The following CCKAR variants were observed in gnomAD, a reference collection of about 807,000 sequenced individuals.
CCKAR encodes cholecystokinin A receptor.
In CCKAR, 21 loss-of-function variants were observed where a neutral mutation model predicts 29.8. The ratio of observed to expected loss-of-function variants is 0.70; its 90% confidence interval spans 0.50 to 1.01. The LOEUF is 1.01. CCKAR is among the 50% of genes least tolerant of loss of function. The pLI, the probability that CCKAR is intolerant of heterozygous loss-of-function variation, is 0.00. For synonymous variants in CCKAR, 238 were observed against 221.3 expected (o/e 1.08, Z -0.67); for missense variants, 570 against 560.6 (o/e 1.02, Z -0.17).
Position 26,489,265 on chromosome 4 carries a change from C to T in CCKAR, c.332G>A (p.Ser111Asn). ...PNLLKDFIFG[S>N]AVCKTTTYFM... ...GTAGGTGGTGGTCTTGCAAACGGCG[C>T]TCCCGAAGATGAAATCCTTGAGCAG... The change falls in exon 2 of 5, where the codon AGC becomes AAC. Residue 111 changes from serine (S) to asparagine (N), a missense_variant. Ser to Asn is a conservative substitution (Grantham distance 46). Coordinates refer to ENST00000295589, the MANE Select transcript of CCKAR (RefSeq NM_000730.3). 7 of 1,614,106 alleles carry T rather than the reference C, an allele frequency of 4.3e-6. No homozygotes were observed. The highest frequency in any genetic ancestry group is 5.9e-6 in the Non-Finnish European group (7 of 1,180,008).
chr4:26,486,062 C>T (rs1438717113), intron 2 of CCKAR, among the ~76,000 whole-genome samples, 164 bp from the exon 3 acceptor site: 1 of 152,186 alleles, frequency 6.6e-6, no homozygotes, highest in Admixed American at 6.6e-5. Context: ...GATTTATTCT[C>T]AGCTTTGTTC....
intron 2 of CCKAR, 130 bp downstream of exon 2, chr4:26,489,103 G>GCA: frequency 1.7e-6 from 2 of 1,182,824 alleles, no homozygotes; most frequent in East Asian, 2.3e-5. Flanking sequence ...ACACAGCCAT[G>GCA]CACAGCCTGA....
rs1737434428 is a variant in CCKAR at position 26,485,682 on chromosome 4, T to C, written c.581A>G (p.Asn194Ser). 6.2e-7 allele frequency: 1 copy of C among 1,614,186 alleles called. No homozygotes were observed. The highest frequency in any genetic ancestry group is 8.5e-7 in the Non-Finnish European group (1 of 1,180,028). Residue 194 changes from asparagine (N) to serine (S), a missense_variant, in exon 3 of 5, where the codon AAT becomes AGT. Transcript: ENST00000295589. ...ATTTGGCAGTAGAAAGCGGCACATA[T>C]TCGCGGTCTGGTTGTTATTTTTGGT... ...PFTKNNNQTANMCRFLLPNDV... is the reference protein window; with the variant it reads ...PFTKNNNQTASMCRFLLPNDV...
chr4:26,490,217 G>A lies in CCKAR; in HGVS notation c.51C>T (p.Pro17=). 1 of 1,613,822 alleles carries A rather than the reference G, an allele frequency of 6.2e-7. No individual in the cohort carries two copies. The highest frequency in any genetic ancestry group is 8.5e-7 in the Non-Finnish European group (1 of 1,179,926). The part of the protein sequence containing the change: ...LLVNGSNITP[P]CELGLENETL... The stretch of plus-strand genomic sequence containing the variant: ...TCTCATTTTCGAGCCCGAGTTCACA[G>A]GGAGGAGTGATGTTGCTTCCATTCA... The change falls in exon 1 of 5, where the codon CCC becomes CCT. Residue 17 remains proline, a synonymous_variant. Coordinates refer to ENST00000295589, the MANE Select transcript of CCKAR (RefSeq NM_000730.3).
chr4:26,482,032 C>A lies in CCKAR; in HGVS notation c.893G>T (p.Ser298Ile), dbSNP rs202061123. 19 of 1,614,126 alleles carry A rather than the reference C, an allele frequency of 1.2e-5. No homozygotes were observed. The highest frequency in any genetic ancestry group is 1.6e-4 in the Middle Eastern group (1 of 6,084). Reference sequence around the variant, plus strand: ...CATCAGGTTGGCTGCGGAGCTGTTACTCCGGATGCGGTTGGCCCTGCTGCT... The same window carrying A: ...CATCAGGTTGGCTGCGGAGCTGTTAATCCGGATGCGGTTGGCCCTGCTGCT... ...GSSSRANRIR[S>I]NSSAANLMAK... The change falls in exon 5 of 5, where the codon AGT becomes ATT. Residue 298 changes from serine to isoleucine, a missense_variant. Physicochemically the swap from Ser to Ile is moderately radical, Grantham distance 142 (BLOSUM62 -2). Transcript: ENST00000295589.
rs1371139131 is a variant in CCKAR, at chr4:26,482,112, C to A, written c.813G>T (p.Leu271=). 1 of 1,614,166 alleles carries A rather than the reference C, an allele frequency of 6.2e-7. No homozygotes were observed. The highest frequency in any genetic ancestry group is 8.5e-7 in the Non-Finnish European group (1 of 1,180,014). ...GCTTCCTCGGGGGCCTGGTCTTTTGCAGGTAACACCCATCGCTGTCCTCAT... is the reference window on the plus strand; with the variant it reads ...GCTTCCTCGGGGGCCTGGTCTTTTGAAGGTAACACCCATCGCTGTCCTCAT... ...GKYEDSDGCY[L]QKTRPPRKLE... is the part of the protein sequence containing the mutation. The change falls in exon 5 of 5, where the codon CTG becomes CTT. Residue 271 remains leucine, a synonymous_variant. Transcript: ENST00000295589.
chr4:26,481,987 C>A lies in CCKAR; in HGVS notation c.938G>T (p.Arg313Leu), dbSNP rs201014241. Reference sequence around the variant, plus strand: ...GAGGACCACGATGACGATGAGCATGCGGATCACCCTTTTCTTGGCCATCAG... The same window carrying A: ...GAGGACCACGATGACGATGAGCATGAGGATCACCCTTTTCTTGGCCATCAG... ...ANLMAKKRVI[R>L]MLIVIVVLFF... The change falls in exon 5 of 5, where the codon CGC becomes CTC. Residue 313 changes from arginine to leucine, a missense_variant. Transcript: ENST00000295589. 4 of 1,614,234 alleles carry A rather than the reference C, an allele frequency of 2.5e-6. No homozygotes were observed. In the South Asian group the frequency reaches 3.3e-5, roughly 13 times the overall value.
chr4:26,484,730 CTGCTCTG>C, intron 3 of CCKAR, among the ~76,000 whole-genome samples: 1 of 152,154 alleles, frequency 6.6e-6, no homozygotes, highest in African/African-American at 2.4e-5. Context: ...GACTCATTCC[CTGCTCTG>C]TCTTAATTCT....
chr4:26,489,553 A>G, intron 1 of CCKAR, 69 bp from the exon 2 acceptor site: 1 of 1,568,814 alleles, frequency 6.4e-7, no homozygotes, highest in South Asian at 1.1e-5. Context: ...AACCGAAGCC[A>G]AGGGTGAATT....
Position 26,483,273 on chromosome 4 carries a change from G to C in CCKAR, c.637C>G (p.Leu213Val), listed in dbSNP as rs1020893615. ...DVMQQSWHTF[L>V]LLILFLIPGI... ...GGAATAAGAAAGAGGATGAGTAACA[G>C]GAATGTGTGCCTAATGAAATCAAAA... Residue 213 changes from leucine (L) to valine (V), a missense_variant, in exon 4 of 5, where the codon CTG becomes GTG. Physicochemically the swap from Leu to Val is conservative, Grantham distance 32. Coordinates refer to ENST00000295589, the MANE Select transcript of CCKAR (RefSeq NM_000730.3). The C allele has an allele frequency of 1.9e-5, 31 of 1,613,186 alleles. No homozygotes were observed. Among genetic ancestry groups the C allele is most frequent in the Non-Finnish European group, 2.5e-5 (30 of 1,179,808 alleles).
rs1415586164 is a variant in CCKAR, at chr4:26,483,188, T to G, written c.722A>C (p.Lys241Thr). ...LISLELYQGI[K>T]FEASQKKSAK... ...AGACTTCTTCTGGCTAGCCTCAAAT[T>G]TTATTCCCTGGTAGAGTTCCAAAGA... Residue 241 changes from lysine to threonine, a missense_variant, in exon 4 of 5, where the codon AAA becomes ACA. By Grantham distance (78) the Lys-to-Thr change is moderately conservative. Transcript: ENST00000295589. 6.2e-7 allele frequency: 1 copy of G among 1,613,736 alleles called. No individual in the cohort carries two copies. Among genetic ancestry groups the G allele is most frequent in the Non-Finnish European group, 8.5e-7 (1 of 1,179,940 alleles).
intron 2 of CCKAR, among the ~76,000 whole-genome samples, chr4:26,487,304 A>C (rs1737468403): frequency 6.6e-6 from 1 of 152,190 alleles, no homozygotes; most frequent in Admixed American, 6.5e-5. Flanking sequence ...CTTTCCTTAG[A>C]GTCTTAAAAA....
chr4:26,489,195 G>C, intron 2 of CCKAR, 38 bp downstream of exon 2: 1 of 1,612,058 alleles, frequency 6.2e-7, no homozygotes, highest in South Asian at 1.1e-5. Flanking sequence ...AGTGGGGTCT[G>C]GGGCAAGCTC....
At position 26,481,851 on chromosome 4, in the gene CCKAR, C is replaced by T. The variant is rs1560367687; in HGVS notation, c.1074G>A (p.Leu358=). The T allele has an allele frequency of 1.2e-6, 2 of 1,613,900 alleles. No homozygotes were observed. Among genetic ancestry groups the T allele is most frequent in the East Asian group, 2.2e-5 (1 of 44,874 alleles). Residue 358 remains leucine, a synonymous_variant, in exon 5 of 5, where the codon CTG becomes CTA. Transcript: ENST00000295589. ...SGTPISFILL[L]SYTSSCVNPI... Reference sequence around the variant, plus strand: ...GGTTGACGCAGGAGGAGGTGTAGGACAGGAGGAGGATGAAGGAAATGGGGG... The same window carrying T: ...GGTTGACGCAGGAGGAGGTGTAGGATAGGAGGAGGATGAAGGAAATGGGGG...
At chr4:26,482,240 C>T (rs1407878829) in intron 4 of CCKAR, 70 bp from the exon 5 acceptor site, 6 of 1,450,288 alleles carry the variant, frequency 4.1e-6, no homozygotes, top group Admixed American at 4.2e-5. Context: ...GGAGCCCCCA[C>T]TCCCCTCCAT....
At chr4:26,489,086 T>C (rs1737501867) in intron 2 of CCKAR, 147 bp downstream of exon 2, 2 of 1,006,466 alleles carry the variant, frequency 2.0e-6, no homozygotes. Context: ...AGCACCAATG[T>C]CCGTGCACAC....
In CCKAR at chr4:26,482,026, C is replaced by T; in HGVS notation, c.899G>A (p.Ser300Asn). The T allele has an allele frequency of 1.2e-6, 2 of 1,614,244 alleles. No individual in the cohort carries two copies. Among genetic ancestry groups the T allele is most frequent in the Non-Finnish European group, 1.7e-6 (2 of 1,180,040 alleles). ...SSRANRIRSN[S>N]SAANLMAKKR... Reference sequence around the variant, plus strand: ...CTTGGCCATCAGGTTGGCTGCGGAGCTGTTACTCCGGATGCGGTTGGCCCT... The same window carrying T: ...CTTGGCCATCAGGTTGGCTGCGGAGTTGTTACTCCGGATGCGGTTGGCCCT... The change falls in exon 5 of 5, where the codon AGC (serine) becomes AAC (asparagine). Residue 300 changes from serine to asparagine, a missense_variant. Transcript: ENST00000295589.
intron 4 of CCKAR, 121 bp downstream of exon 4, chr4:26,483,035 A>C: frequency 2.1e-6 from 2 of 965,334 alleles, no homozygotes; most frequent in Non-Finnish European, 3.0e-6. Context: ...ACAGAATCTC[A>C]TAAGAATACT....
Position 26,481,921 on chromosome 4 carries a change from CAGGCGTTGGCGCTGA to C in CCKAR, c.989_1003del (p.Phe330_Ala334del), listed in dbSNP as rs957744045. ...TGCGGAGGCGGTGTCGTAGGCCCGC[CAGGCGTTGGCGCTGA>C]AGATGGGCATCCAGCACAGGAAGAA... On this transcript the variant is annotated inframe_deletion, in exon 5 of 5. Transcript: ENST00000295589. The C allele has an allele frequency of 6.2e-7, 1 of 1,614,134 alleles. No individual in the cohort carries two copies. The highest frequency in any genetic ancestry group is 1.3e-5 in the African/African-American group (1 of 74,950).
Sources: gnomAD v4.1 joint callset for allele counts (sites outside exome capture counted in the v4.1 genomes callset) on GRCh38, gnomAD v4.1.1 for gene constraint, MANE v1.5 for transcripts, NCBI Gene and HGNC (gene_info 2026-07-23, HGNC 2026-07-21) for gene names.